Variants in TMEM51 observed in about 807,000 individuals in gnomAD.
The protein encoded by TMEM51 is transmembrane protein 51.
In TMEM51, 8 loss-of-function variants were observed where a neutral mutation model predicts 13.6. The observed-to-expected ratio is 0.59, with a 90% CI of 0.35 to 1.07. The LOEUF is 1.07. Ranked by LOEUF, TMEM51 falls within the 50% of genes least tolerant of loss-of-function variation. TMEM51 has a pLI of 0.02. For synonymous variants in TMEM51, 147 were observed against 144.4 expected, an observed-to-expected ratio of 1.02 and a Z score of -0.13; for missense variants, 279 against 330.7, an observed-to-expected ratio of 0.84 and a Z score of 1.21.
chr1:15,201,353 GA>G (rs1208615207), intron 1 of TMEM51, among the ~76,000 whole-genome samples: 6 of 149,930 alleles, frequency 4.0e-5, no homozygotes, highest in Non-Finnish European at 7.4e-5. Context: ...AAACAAAACA[GA>G]ATACATAAAA....
chr1:15,168,575 G>GGA (rs1419984096), intron 1 of TMEM51: 5 of 1,304,564 alleles, frequency 3.8e-6, no homozygotes, highest in Non-Finnish European at 5.1e-6. Flanking sequence ...TGGGCTAAGA[G>GGA]GAACTGTGCC....
intron 1 of TMEM51, among the ~76,000 whole-genome samples, chr1:15,166,089 C>T (rs1440245778): frequency 1.3e-5 from 2 of 152,094 alleles, no homozygotes; most frequent in African/African-American, 2.4e-5. Context: ...TGGGGGGTTT[C>T]GATATTCTTT....
chr1:15,193,044 T>C (rs532656660), intron 1 of TMEM51, among the ~76,000 whole-genome samples: 44 of 152,226 alleles, frequency 2.9e-4, no homozygotes, highest in African/African-American at 1.1e-3. Flanking sequence ...CCCGGGGGCA[T>C]TGGGGCGGGT....
chr1:15,195,564 C>T (rs899029828), intron 1 of TMEM51, among the ~76,000 whole-genome samples: 7 of 152,152 alleles, frequency 4.6e-5, no homozygotes, highest in African/African-American at 1.7e-4. Flanking sequence ...CTCAAAGGAA[C>T]CGGTTTGCCC....
chr1:15,163,078 T>C (rs79934295), intron 1 of TMEM51, among the ~76,000 whole-genome samples: 2,591 of 152,008 alleles, frequency 0.017, 118 homozygotes, highest in African/African-American at 0.059. Flanking sequence ...GAAACAAGAC[T>C]CAGATAGTCA....
At chr1:15,192,096 G>A in intron 1 of TMEM51, 1 of 488,052 alleles carries the variant, frequency 2.0e-6, no homozygotes, top group Non-Finnish European at 4.2e-6. Flanking sequence ...GCGACACAGG[G>A]AGAGAATCAT....
intron 1 of TMEM51, among the ~76,000 whole-genome samples, chr1:15,169,323 T>A (rs1189954586): frequency 1.3e-5 from 2 of 152,210 alleles, no homozygotes; most frequent in Non-Finnish European, 2.9e-5. Flanking sequence ...GAACATTTGT[T>A]CCTTGTTGCC....
At chr1:15,215,480 A>T in intron 3 of TMEM51, 49 bp downstream of exon 3, 1 of 1,471,812 alleles carries the variant, frequency 6.8e-7, no homozygotes, top group Non-Finnish European at 9.1e-7. Flanking sequence ...ATGGGCACGC[A>T]CGCATGCACA....
At chr1:15,197,832 C>A (rs1478316065) in intron 1 of TMEM51, among the ~76,000 whole-genome samples, 1 of 152,040 alleles carries the variant, frequency 6.6e-6, no homozygotes, top group Non-Finnish European at 1.5e-5. Context: ...CACCAGGGCC[C>A]TCCAGCTCTG....
upstream of TMEM51, chr1:15,153,637 C>CGGGA (rs1364197490): frequency 6.6e-6 from 1 of 152,044 alleles, no homozygotes; most frequent in African/African-American, 2.4e-5. Context: ...TGCCGAGGGC[C>CGGGA]GGGAGGGAGG....
intron 3 of TMEM51, 52 bp downstream of exon 3, chr1:15,215,483 C>T: frequency 6.9e-7 from 1 of 1,447,646 alleles, no homozygotes; most frequent in South Asian, 1.3e-5. Flanking sequence ...GGCACGCACG[C>T]ATGCACACAC....
chr1:15,202,618 A>G (rs1433383349), intron 1 of TMEM51, among the ~76,000 whole-genome samples: 1 of 151,984 alleles, frequency 6.6e-6, no homozygotes. Context: ...CCATGATTCC[A>G]TCTCCTGCTT....
At chr1:15,194,627 C>T (rs1006690999) in intron 1 of TMEM51, among the ~76,000 whole-genome samples, 1 of 152,146 alleles carries the variant, frequency 6.6e-6, no homozygotes, top group Non-Finnish European at 1.5e-5. Context: ...CCTACACAGC[C>T]GCTTCCTATC....
intron 2 of TMEM51, among the ~76,000 whole-genome samples, chr1:15,214,025 G>A (rs889521092): frequency 7.6e-5 from 4 of 52,864 alleles, no homozygotes; most frequent in Admixed American, 2.0e-4. Flanking sequence ...TTTTTTTTTT[G>A]TATTTTTAGT....
chr1:15,176,236 C>T (rs954827212), intron 1 of TMEM51, among the ~76,000 whole-genome samples: 3 of 152,170 alleles, frequency 2.0e-5, no homozygotes, highest in African/African-American at 7.2e-5. Context: ...GTGAACAGTC[C>T]TATGCCCAGT....
chr1:15,204,644 C>T (rs79717348), intron 1 of TMEM51, among the ~76,000 whole-genome samples: 1,658 of 152,302 alleles, frequency 0.011, 39 homozygotes, highest in African/African-American at 0.037. Flanking sequence ...TGTGGACAGG[C>T]GCTGCCACTT....
At chr1:15,162,381 T>A (rs1401164178) in intron 1 of TMEM51, among the ~76,000 whole-genome samples, 1 of 152,066 alleles carries the variant, frequency 6.6e-6, no homozygotes, top group Admixed American at 6.5e-5. Context: ...CAAGCTGGTC[T>A]TGAACTCCTG....
chr1:15,177,942 C>T (rs1307560650), intron 1 of TMEM51, among the ~76,000 whole-genome samples: 1 of 152,176 alleles, frequency 6.6e-6, no homozygotes, highest in African/African-American at 2.4e-5. Context: ...CTGGCAACTC[C>T]GTTAGGGAGA....
chr1:15,153,094 G>T (rs1245911180), upstream of TMEM51, among the ~76,000 whole-genome samples: 1 of 152,214 alleles, frequency 6.6e-6, no homozygotes, highest in African/African-American at 2.4e-5. Flanking sequence ...ATCGGGTGGG[G>T]ACCCTGGCCG....
Sources: gnomAD v4.1 joint callset for allele counts (sites outside exome capture counted in the v4.1 genomes callset) on GRCh38, gnomAD v4.1.1 for gene constraint, MANE v1.5 for transcripts, NCBI Gene and HGNC (gene_info 2026-07-23, HGNC 2026-07-21) for gene names.